The following ESRRG variants were observed in gnomAD, a reference collection of about 807,000 sequenced individuals.
The protein encoded by ESRRG is estrogen-related receptor gamma.
A neutral mutation model predicts 44.0 loss-of-function variants in ESRRG; 13 were observed. The ratio of observed to expected loss-of-function variants is 0.30; its 90% CI spans 0.19 to 0.47. The LOEUF (loss-of-function observed/expected upper bound fraction) is 0.47, where lower values mean the gene tolerates loss of function less well. Ranked by LOEUF, ESRRG falls within the 20% of genes least tolerant of loss-of-function variation. The pLI, the probability that ESRRG is intolerant of heterozygous loss-of-function variation, is 1.00. For synonymous variants in ESRRG, 215 were observed against 214.6 expected (o/e 1.00, Z -0.02); for missense variants, 395 against 580.6 (o/e 0.68, Z 3.29).
At chr1:216,922,952 T>C (rs975899437) in intron 2 of ESRRG, among the ~76,000 whole-genome samples, 2 of 151,316 alleles carry the variant, frequency 1.3e-5, no homozygotes, top group African/African-American at 4.8e-5. Context: ...CACTGTTTAT[T>C]AAAGATAACT....
intron 3 of ESRRG, among the ~76,000 whole-genome samples, chr1:216,586,662 T>C (rs1041696337): frequency 2.0e-5 from 3 of 149,874 alleles, no homozygotes; most frequent in Non-Finnish European, 4.4e-5. Flanking sequence ...CTGCAACCTC[T>C]GCCTCCCAGG....
chr1:216,707,270 C>T, intron 1 of ESRRG: 1 of 1,415,706 alleles, frequency 7.1e-7, no homozygotes, highest in Non-Finnish European at 9.5e-7. Flanking sequence ...CTAAAAAAAT[C>T]AAACCATATA....
intron 1 of ESRRG, among the ~76,000 whole-genome samples, chr1:217,113,129 C>A (rs1412336675): frequency 6.6e-6 from 1 of 152,146 alleles, no homozygotes; most frequent in Non-Finnish European, 1.5e-5. Flanking sequence ...TGTTTCCTGG[C>A]CTTTCTACCA....
At chr1:216,925,291 G>C (rs944642934) in intron 2 of ESRRG, among the ~76,000 whole-genome samples, 1 of 152,044 alleles carries the variant, frequency 6.6e-6, no homozygotes, top group African/African-American at 2.4e-5. Context: ...ACAAAAATTA[G>C]CTGGGCATGA....
At chr1:216,589,079 G>C (rs1030907288) in intron 3 of ESRRG, among the ~76,000 whole-genome samples, 2 of 152,198 alleles carry the variant, frequency 1.3e-5, no homozygotes, top group African/African-American at 2.4e-5. Flanking sequence ...AGTTTCTAAA[G>C]AAAGATAAGA....
At chr1:216,568,280 C>T (rs767678066) in intron 3 of ESRRG, among the ~76,000 whole-genome samples, 182 bp from the exon 4 acceptor site, 2 of 152,134 alleles carry the variant, frequency 1.3e-5, no homozygotes, top group Non-Finnish European at 2.9e-5. Context: ...GGTTGAAAAC[C>T]AAATCTGTCA....
intron 2 of ESRRG, among the ~76,000 whole-genome samples, chr1:216,933,503 T>C (rs921132374): frequency 1.3e-5 from 2 of 152,194 alleles, no homozygotes; most frequent in Admixed American, 1.3e-4. Context: ...ACTCCCTCCA[T>C]GGCTGATTTG....
chr1:216,836,608 A>G (rs887145923), intron 2 of ESRRG, among the ~76,000 whole-genome samples: 1 of 152,156 alleles, frequency 6.6e-6, no homozygotes, highest in African/African-American at 2.4e-5. Context: ...TGTGTGTACA[A>G]GGAGCTTGGC....
intron 2 of ESRRG, among the ~76,000 whole-genome samples, chr1:216,808,476 C>T (rs1462276850): frequency 2.0e-5 from 3 of 152,092 alleles, no homozygotes; most frequent in Non-Finnish European, 2.9e-5. Context: ...ATCCAGGCTG[C>T]AGTACAGTGG....
chr1:216,760,147 G>A (rs1465813521), intron 2 of ESRRG, among the ~76,000 whole-genome samples: 1 of 152,026 alleles, frequency 6.6e-6, no homozygotes, highest in East Asian at 1.9e-4. Flanking sequence ...TCTCCCCAGC[G>A]CAAGGGACCA....
intron 1 of ESRRG, among the ~76,000 whole-genome samples, chr1:216,944,283 G>T (rs2065729447): frequency 1.3e-5 from 2 of 152,094 alleles, no homozygotes; most frequent in South Asian, 4.1e-4. Context: ...TAAAATAAGA[G>T]ATTTCTTCAT....
At chr1:216,690,970 T>C (rs776657893) in intron 1 of ESRRG, among the ~76,000 whole-genome samples, 1 of 152,196 alleles carries the variant, frequency 6.6e-6, no homozygotes, top group African/African-American at 2.4e-5. Flanking sequence ...AAACATAACA[T>C]AAATGCATTT....
chr1:217,070,749 ACTT>A (rs1207460259), intron 1 of ESRRG, among the ~76,000 whole-genome samples: 1 of 152,184 alleles, frequency 6.6e-6, no homozygotes. Flanking sequence ...ATGTACCTAT[ACTT>A]CTCTCCATGC....
chr1:216,959,904 G>A (rs955464077), intron 1 of ESRRG, among the ~76,000 whole-genome samples: 1 of 152,072 alleles, frequency 6.6e-6, no homozygotes, highest in African/African-American at 2.4e-5. Context: ...AGCACTTACT[G>A]AGAAACTGTT....
chr1:216,532,965 T>A (rs1000559074), intron 5 of ESRRG, among the ~76,000 whole-genome samples: 2 of 152,174 alleles, frequency 1.3e-5, no homozygotes, highest in Non-Finnish European at 2.9e-5. Context: ...AGCATATCTA[T>A]TTCTTACCGA....
rs768751167 is a variant in ESRRG, at chr1:216,677,472, T to C, written c.76A>G (p.Asn26Asp). Reference sequence around the variant, plus strand: ...CTGGAATCAATGTGTCGATCTTTGTTTGACATTCTGCAGAGAAGCCTGAGA... The same window carrying C: ...CTGGAATCAATGTGTCGATCTTTGTCTGACATTCTGCAGAGAAGCCTGAGA... ...YEEELLCRMS[N>D]KDRHIDSSCS... Residue 26 changes from asparagine (N) to aspartate (D), a missense_variant, in exon 2 of 7, where the codon AAC becomes GAC. Asn to Asp is a conservative substitution (Grantham distance 23). This residue lies in a region of ESRRG where 148 missense variants were observed against 150.4 expected (regional missense o/e 0.98). Transcript: ENST00000408911. 6.2e-7 allele frequency: 1 copy of C among 1,610,140 alleles called. No homozygotes were observed. Among genetic ancestry groups the C allele is most frequent in the African/African-American group, 1.3e-5 (1 of 74,914 alleles).
At chr1:217,133,645 C>CTCTCTCTTTCTTTCTTTCTT (rs1266397788) in intron 1 of ESRRG, among the ~76,000 whole-genome samples, 84 of 91,768 alleles carry the variant, frequency 9.2e-4, no homozygotes, top group Middle Eastern at 5.6e-3. Flanking sequence ...CTCTCTCTCT[C>CTCTCTCTTTCTTTCTTTCTT]TCTTTCTTTC....
At chr1:216,542,682 C>T (rs191753941) in intron 5 of ESRRG, among the ~76,000 whole-genome samples, 91 of 152,046 alleles carry the variant, frequency 6.0e-4, no homozygotes, top group Non-Finnish European at 1.1e-3. Flanking sequence ...CTTAATGACT[C>T]CAACTGTGTT....
intron 2 of ESRRG, among the ~76,000 whole-genome samples, chr1:216,754,489 T>C (rs879478537): frequency 4.6e-5 from 7 of 151,990 alleles, no homozygotes; most frequent in Non-Finnish European, 1.0e-4. Flanking sequence ...TCTTTCCTTC[T>C]GTACCCTTAG....
Sources: gnomAD v4.1 joint callset for allele counts (sites outside exome capture counted in the v4.1 genomes callset) on GRCh38, gnomAD v4.1.1 for gene constraint, gnomAD v4.1.1 regional missense constraint, MANE v1.5 for transcripts, NCBI Gene and HGNC (gene_info 2026-07-23, HGNC 2026-07-21) for gene names.